Variants in SDK1 observed in about 807,000 individuals in gnomAD.
The protein encoded by SDK1 is protein sidekick-1.
SDK1 carries 157 observed loss-of-function variants against 245.5 expected under a neutral mutation model. That is an observed-to-expected ratio of 0.64 (90% CI 0.56 to 0.73). SDK1 has a LOEUF of 0.73. Ranked by LOEUF, SDK1 falls within the 30% of genes least tolerant of loss-of-function variation. The pLI, the probability that SDK1 is intolerant of heterozygous loss-of-function variation, is 0.00. For missense variants in SDK1, 3,583 were observed against 3,002.3 expected, an observed-to-expected ratio of 1.19 and a Z score of -4.52; for synonymous variants, 1,647 against 1,278.5, an observed-to-expected ratio of 1.29 and a Z score of -6.15.
intron 35 of SDK1, among the ~76,000 whole-genome samples, chr7:4,196,082 C>G (rs2527830): frequency 0.31 from 46,711 of 152,012 alleles, 7,446 homozygotes; most frequent in Middle Eastern, 0.53. Flanking sequence ...ATCGTTATGT[C>G]CAAGCCTAGA....
chr7:3,356,674 A>G (rs1027387298), intron 1 of SDK1, among the ~76,000 whole-genome samples: 22 of 152,160 alleles, frequency 1.4e-4, no homozygotes, highest in African/African-American at 3.9e-4. Flanking sequence ...AACTTTTTCA[A>G]TTTTTGCAAA....
intron 8 of SDK1, among the ~76,000 whole-genome samples, chr7:3,959,353 G>A (rs922931836): frequency 2.0e-5 from 3 of 152,054 alleles, no homozygotes; most frequent in African/African-American, 4.8e-5. Flanking sequence ...CCCGAGATTC[G>A]GGGCAGAAAA....
chr7:3,780,679 C>T (rs1460573367), intron 4 of SDK1, among the ~76,000 whole-genome samples: 1 of 152,096 alleles, frequency 6.6e-6, no homozygotes, highest in African/African-American at 2.4e-5. Flanking sequence ...ATCAGCTTGA[C>T]CCAGAAAGTC....
intron 19 of SDK1, among the ~76,000 whole-genome samples, chr7:4,054,696 C>G (rs1024475058): frequency 2.0e-5 from 3 of 152,082 alleles, no homozygotes; most frequent in Admixed American, 2.0e-4. Context: ...ACATCCTTGC[C>G]TGCTTCTCAC....
At chr7:3,583,024 C>G (rs1362307367) in intron 1 of SDK1, among the ~76,000 whole-genome samples, 2 of 152,174 alleles carry the variant, frequency 1.3e-5, no homozygotes, top group African/African-American at 4.8e-5. Context: ...CCTTCTGTGA[C>G]CCAGGTCTAG....
intron 20 of SDK1, among the ~76,000 whole-genome samples, chr7:4,076,413 A>T (rs569325832): frequency 1.0e-3 from 155 of 152,250 alleles, no homozygotes; most frequent in African/African-American, 3.6e-3. Flanking sequence ...AAAATTAGCC[A>T]GGCATGGTGG....
rs79851803 is a variant in SDK1, at chr7:3,401,446, G to A, written c.298+99562G>A. Among the ~76,000 whole-genome samples the A allele has an allele frequency of 6.6e-3, 1,000 of 152,276 alleles. 15 individuals are homozygous for A. The highest frequency in any genetic ancestry group is 0.023 in the African/African-American group (941 of 41,578). On this transcript the variant is annotated intron_variant, in intron 1 of 44. Transcript: ENST00000404826. ...TTATTCAAAGACTTTTTGAGAGAGA[G>A]CATCTGTAGAGTCAAATGGTACTTG...
At chr7:3,848,892 G>C (rs1562488268) in intron 5 of SDK1, among the ~76,000 whole-genome samples, 1 of 152,058 alleles carries the variant, frequency 6.6e-6, no homozygotes, top group African/African-American at 2.4e-5. Context: ...GGCTGGTCTC[G>C]AACTCCTGAC....
At chr7:3,450,843 T>C (rs1780492067) in intron 1 of SDK1, among the ~76,000 whole-genome samples, 1 of 151,984 alleles carries the variant, frequency 6.6e-6, no homozygotes, top group Admixed American at 6.5e-5. Context: ...ACATCTAAGA[T>C]GTAGGCAAAG....
chr7:4,152,126 T>G (rs1780423726), intron 30 of SDK1, among the ~76,000 whole-genome samples: 1 of 152,228 alleles, frequency 6.6e-6, no homozygotes, highest in African/African-American at 2.4e-5. Context: ...CCTCCAGCTC[T>G]GTGAGTCCAA....
At chr7:3,395,386 T>A (rs772325260) in intron 1 of SDK1, among the ~76,000 whole-genome samples, 3 of 151,928 alleles carry the variant, frequency 2.0e-5, no homozygotes, top group Non-Finnish European at 4.4e-5. Context: ...TATTGAGGAT[T>A]TTTGCATCTG....
chr7:3,944,834 C>T (rs949328698), intron 5 of SDK1, among the ~76,000 whole-genome samples: 7 of 152,190 alleles, frequency 4.6e-5, no homozygotes, highest in African/African-American at 1.2e-4. Context: ...GAAAGCAAAT[C>T]TCAGAGGGAG....
At chr7:4,230,301 G>T (rs933802244) in intron 40 of SDK1, among the ~76,000 whole-genome samples, 1 of 149,124 alleles carries the variant, frequency 6.7e-6, no homozygotes, top group Non-Finnish European at 1.5e-5. Context: ...ATGGATGAAT[G>T]AATTGATGAA....
At chr7:3,536,022 A>C (rs550219552) in intron 1 of SDK1, among the ~76,000 whole-genome samples, 1 of 151,792 alleles carries the variant, frequency 6.6e-6, no homozygotes, top group Non-Finnish European at 1.5e-5. Context: ...TTTAAAATCT[A>C]ATTCCCCCCC....
At chr7:3,570,725 T>G (rs975094021) in intron 1 of SDK1, among the ~76,000 whole-genome samples, 5 of 152,234 alleles carry the variant, frequency 3.3e-5, no homozygotes, top group African/African-American at 4.8e-5. Context: ...ACGAGGCCTG[T>G]GAGAGTCGGT....
At chr7:3,356,271 G>C (rs1780791790) in intron 1 of SDK1, among the ~76,000 whole-genome samples, 1 of 152,060 alleles carries the variant, frequency 6.6e-6, no homozygotes, top group Non-Finnish European at 1.5e-5. Flanking sequence ...GGGGGTTGGT[G>C]GTGAAATATA....
At chr7:4,149,915 G>T (rs1413067818) in intron 30 of SDK1, among the ~76,000 whole-genome samples, 1 of 152,162 alleles carries the variant, frequency 6.6e-6, no homozygotes, top group African/African-American at 2.4e-5. Context: ...GGCACCACGA[G>T]TACTGTGCTT....
At chr7:3,679,721 A>G (rs1245404705) in intron 4 of SDK1, among the ~76,000 whole-genome samples, 6 of 152,246 alleles carry the variant, frequency 3.9e-5, no homozygotes, top group Admixed American at 3.9e-4. Context: ...CCTACCTATC[A>G]GAATAGCTAA....
intron 2 of SDK1, among the ~76,000 whole-genome samples, chr7:3,637,105 G>GTA (rs1452840093): frequency 8.1e-5 from 12 of 147,248 alleles, no homozygotes; most frequent in East Asian, 4.7e-4. Flanking sequence ...GTGTGTGTGT[G>GTA]TGTGTGTTTT....
Sources: allele counts gnomAD v4.1 joint callset (sites outside exome capture counted in the v4.1 genomes callset), GRCh38; gene constraint gnomAD v4.1.1; transcripts MANE v1.5; gene names NCBI Gene and HGNC (gene_info 2026-07-23, HGNC 2026-07-21).